The following GPC6 variants were observed in gnomAD, a reference collection of about 807,000 sequenced individuals.
The protein encoded by GPC6 is glypican-6.
A neutral mutation model predicts 55.2 loss-of-function variants in GPC6; 14 were observed. That is an observed-to-expected ratio of 0.25 (90% CI 0.17 to 0.40). The LOEUF is 0.40. GPC6 is among the 10% of genes least tolerant of loss of function. The pLI is 1.00. For synonymous variants in GPC6, 278 were observed against 259.6 expected, an observed-to-expected ratio of 1.07 and a Z score of -0.68; for missense variants, 641 against 708.5, an observed-to-expected ratio of 0.90 and a Z score of 1.08.
chr13:93,586,778 T>G (rs1046013769), intron 2 of GPC6, among the ~76,000 whole-genome samples: 4 of 152,302 alleles, frequency 2.6e-5, no homozygotes, highest in African/African-American at 7.2e-5. Context: ...AAGACTAGTT[T>G]CATAGTTTAT....
chr13:93,543,812 A>T (rs1882427685), intron 1 of GPC6, among the ~76,000 whole-genome samples: 1 of 151,956 alleles, frequency 6.6e-6, no homozygotes, highest in African/African-American at 2.4e-5. Context: ...TGATGTATTG[A>T]TTTCCTTCTC....
At chr13:94,117,697 C>G (rs1272825206) in intron 4 of GPC6, among the ~76,000 whole-genome samples, 5 of 152,088 alleles carry the variant, frequency 3.3e-5, no homozygotes, top group Middle Eastern at 3.2e-3. Flanking sequence ...GGAAAGAACA[C>G]TTAAACTTCA....
chr13:94,087,479 A>G (rs1885329436), intron 4 of GPC6, among the ~76,000 whole-genome samples: 2 of 152,264 alleles, frequency 1.3e-5, no homozygotes, highest in South Asian at 4.1e-4. Context: ...TTGTTTGATC[A>G]GCTACTTGAA....
In GPC6 at chr13:94,037,820, A is replaced by G. The variant is rs372942611; in HGVS notation, c.877+9926A>G. 1.2e-4 allele frequency among the ~76,000 whole-genome samples: 18 copies of G among 152,084 alleles called. No homozygotes were observed. In the South Asian group the frequency reaches 3.5e-3, roughly 30 times the overall value. On this transcript the variant is annotated intron_variant, in intron 4 of 8. Coordinates refer to ENST00000377047, the MANE Select transcript of GPC6 (RefSeq NM_005708.5). ...TATATTGGAAGAAATTGAGAATCTGATATTGCCAGCACTGTCTAATAGAAT... is the reference window on the plus strand; with the variant it reads ...TATATTGGAAGAAATTGAGAATCTGGTATTGCCAGCACTGTCTAATAGAAT...
At position 93,902,339 on chromosome 13, in the gene GPC6, A is replaced by G. The variant is rs115664168; in HGVS notation, c.711+71794A>G. Reference sequence around the variant, plus strand: ...CTGTGCCTACTTTATTTCATTTACCATAATGTCCTCTAAGTTCATCCACCT... The same window carrying G: ...CTGTGCCTACTTTATTTCATTTACCGTAATGTCCTCTAAGTTCATCCACCT... On this transcript the variant is annotated intron_variant, in intron 3 of 8. Coordinates refer to ENST00000377047, the MANE Select transcript of GPC6 (RefSeq NM_005708.5). Among the ~76,000 whole-genome samples, 406 of 152,228 alleles carry G rather than the reference A, an allele frequency of 2.7e-3. 3 individuals carry two copies. Among genetic ancestry groups the G allele is most frequent in the African/African-American group, 9.1e-3 (377 of 41,548 alleles).
intron 2 of GPC6, among the ~76,000 whole-genome samples, chr13:93,559,513 T>G (rs920284931): frequency 6.6e-6 from 1 of 152,146 alleles, no homozygotes; most frequent in East Asian, 1.9e-4. Context: ...CACAATTGAC[T>G]TAGTATATGG....
chr13:93,655,341 T>A (rs1880616407), intron 2 of GPC6, among the ~76,000 whole-genome samples: 1 of 152,154 alleles, frequency 6.6e-6, no homozygotes, highest in Non-Finnish European at 1.5e-5. Context: ...AGCAGAGTAT[T>A]CCTGCAGGAT....
chr13:94,316,696 G>A (rs1487546781), intron 6 of GPC6, among the ~76,000 whole-genome samples: 13 of 140,604 alleles, frequency 9.2e-5, no homozygotes, highest in Admixed American at 8.0e-4. Context: ...CAGCCTGGGC[G>A]ACAGAGCGAG....
intron 2 of GPC6, among the ~76,000 whole-genome samples, chr13:93,713,296 A>G (rs1032120569): frequency 6.6e-6 from 1 of 151,666 alleles, no homozygotes; most frequent in Admixed American, 6.6e-5. Context: ...AGTAGAAAGG[A>G]GATAACATAA....
rs1470178147 is a variant in GPC6 at position 93,438,258 on chromosome 13, A to G, written c.161-107005A>G. 2.0e-5 allele frequency among the ~76,000 whole-genome samples: 3 copies of G among 152,340 alleles called. No homozygotes were observed. The East Asian group carries it at 5.8e-4, about 29-fold the overall frequency. On this transcript the variant is annotated intron_variant, in intron 1 of 8. Transcript: ENST00000377047. ...ACGATACCCATTCTGCAGCCCATAG[A>G]TCAAGGAGTCATTTCGACTTTCAAA...
At chr13:94,268,337 G>T (rs549518667) in intron 4 of GPC6, among the ~76,000 whole-genome samples, 1 of 152,252 alleles carries the variant, frequency 6.6e-6, no homozygotes, top group Non-Finnish European at 1.5e-5. Flanking sequence ...TTCCTTTCTA[G>T]AACACATCAG....
chr13:93,750,645 G>T (rs1884546770), intron 2 of GPC6, among the ~76,000 whole-genome samples: 1 of 152,166 alleles, frequency 6.6e-6, no homozygotes, highest in Non-Finnish European at 1.5e-5. Context: ...TCCGTTCTCA[G>T]CAGATTAGCT....
Position 94,101,489 on chromosome 13 carries a change from G to A in GPC6, c.877+73595G>A, listed in dbSNP as rs1463793497. 2.6e-5 allele frequency among the ~76,000 whole-genome samples: 4 copies of A among 152,088 alleles called. No homozygotes were observed. The South Asian group carries it at 8.3e-4, about 32-fold the overall frequency. On this transcript the variant is annotated intron_variant, in intron 4 of 8. Transcript: ENST00000377047. ...TTTCATCTCAGTAGAGTGCAGTTTA[G>A]CACCTTATTTTGTCATGTATAGAAC...
intron 3 of GPC6, among the ~76,000 whole-genome samples, chr13:93,879,910 G>A (rs887568570): frequency 1.3e-4 from 19 of 151,342 alleles, no homozygotes; most frequent in Non-Finnish European, 4.4e-5. Context: ...CGAAGGACAT[G>A]AACAGACATT....
chr13:93,678,884 C>G (rs1212986345), intron 2 of GPC6, among the ~76,000 whole-genome samples: 1 of 152,128 alleles, frequency 6.6e-6, no homozygotes, highest in African/African-American at 2.4e-5. Context: ...TTCCTTTTGT[C>G]TGCAGAAAAA....
intron 4 of GPC6, among the ~76,000 whole-genome samples, chr13:94,122,177 A>C (rs1886652360): frequency 6.6e-6 from 1 of 152,120 alleles, no homozygotes; most frequent in Non-Finnish European, 1.5e-5. Flanking sequence ...TAAAAATGAA[A>C]GCCACAATTT....
intron 4 of GPC6, among the ~76,000 whole-genome samples, chr13:94,032,803 C>T (rs145578172): frequency 6.6e-6 from 1 of 152,242 alleles, no homozygotes; most frequent in African/African-American, 2.4e-5. Flanking sequence ...TCAAACTTGC[C>T]AATTATTAAG....
At chr13:93,516,980 T>C (rs1881224862) in intron 1 of GPC6, among the ~76,000 whole-genome samples, 1 of 152,156 alleles carries the variant, frequency 6.6e-6, no homozygotes, top group African/African-American at 2.4e-5. Flanking sequence ...GAATACATGT[T>C]CTATGCCAGG....
chr13:93,742,485 C>T lies in GPC6; in HGVS notation c.320-87669C>T, dbSNP rs74108624. Among the ~76,000 whole-genome samples the T allele has an allele frequency of 8.3e-3, 1,265 of 152,284 alleles. 15 individuals carry two copies. The highest frequency in any genetic ancestry group is 0.029 in the African/African-American group (1,192 of 41,554). ...CATTGTGTGATTAGAATTTAGGAAA[C>T]ATTTTTCAAGTATCTCTTGATAGCC... On this transcript the variant is annotated intron_variant, in intron 2 of 8. Coordinates refer to ENST00000377047, the MANE Select transcript of GPC6 (RefSeq NM_005708.5).
Sources: allele counts gnomAD v4.1 joint callset (sites outside exome capture counted in the v4.1 genomes callset), GRCh38; gene constraint gnomAD v4.1.1; transcripts MANE v1.5; gene names NCBI Gene and HGNC (gene_info 2026-07-23, HGNC 2026-07-21).